The following PAK3 variants were observed in gnomAD, a reference collection of about 807,000 sequenced individuals.
PAK3 encodes the protein serine/threonine-protein kinase PAK 3.
PAK3 carries 4 observed loss-of-function variants against 41.0 expected under a neutral mutation model. The observed-to-expected ratio is 0.10, with a 90% confidence interval of 0.05 to 0.22. The LOEUF (loss-of-function observed/expected upper bound fraction) is 0.22. Ranked by LOEUF, PAK3 falls within the 10% of genes least tolerant of loss-of-function variation. PAK3 has a pLI of 1.00. For missense variants in PAK3, 205 were observed against 409.9 expected (o/e 0.50, Z 4.32); for synonymous variants, 146 against 139.6 (o/e 1.05, Z -0.32).
intron 16 of PAK3, among the ~76,000 whole-genome samples, chrX:111,200,887 G>A (rs2094675107): frequency 8.9e-6 from 1 of 112,201 alleles, no homozygotes; most frequent in Admixed American, 9.4e-5. Context: ...CTTTAGCTAG[G>A]CTGCTAATTA....
chrX:111,012,873 T>C (rs1234708936), intron 1 of PAK3, among the ~76,000 whole-genome samples: 1 of 111,796 alleles, frequency 8.9e-6, no homozygotes, highest in Non-Finnish European at 1.9e-5. Flanking sequence ...GCCTTCACTT[T>C]CCTGGCTCAA....
chrX:111,061,910 G>T (rs1458849421), intron 1 of PAK3, among the ~76,000 whole-genome samples: 2 of 110,247 alleles, frequency 1.8e-5, no homozygotes, highest in African/African-American at 6.6e-5. Context: ...GACCTCTTGA[G>T]CTCAAGGGAT....
chrX:111,149,583 G>T (rs1236476995), intron 7 of PAK3, among the ~76,000 whole-genome samples: 2 of 112,325 alleles, frequency 1.8e-5, no homozygotes, highest in African/African-American at 6.5e-5. Flanking sequence ...GCACATGCAG[G>T]CTCAACACCA....
rs145605596 is a variant in PAK3 at position 111,167,363 on chromosome X, A to G, written c.766+3636A>G. ...AATATCCCATACCAGAGTGGACCTC[A>G]TAAGCATGGTGAAGAGTAGATGGCA... is the stretch of plus-strand genomic sequence containing the variant. On this transcript the variant is annotated intron_variant, in intron 10 of 17. Coordinates refer to ENST00000372007, the MANE Select transcript of PAK3 (RefSeq NM_002578.5). 5.8e-3 allele frequency among the ~76,000 whole-genome samples: 646 copies of G among 111,086 alleles called. 7 individuals are homozygous for G. Among genetic ancestry groups the G allele is most frequent in the African/African-American group, 0.02 (610 of 30,509 alleles).
chrX:111,027,594 A>G (rs1204406095), intron 1 of PAK3, among the ~76,000 whole-genome samples: 1 of 112,142 alleles, frequency 8.9e-6, no homozygotes, highest in Admixed American at 9.5e-5. Flanking sequence ...TTATCAGGGA[A>G]ATATAAATCA....
intron 1 of PAK3, among the ~76,000 whole-genome samples, chrX:110,985,612 C>T (rs112620960): frequency 0.022 from 2,484 of 112,103 alleles, 36 homozygotes; most frequent in Non-Finnish European, 0.038. Flanking sequence ...CCAGAAAATG[C>T]AAGGTTGTTA....
intron 17 of PAK3, chrX:111,217,479 A>T: frequency 2.1e-6 from 2 of 957,401 alleles, no homozygotes; most frequent in Non-Finnish European, 2.7e-6. Flanking sequence ...ACAGCGCATT[A>T]ACCACAGATT....
chrX:111,114,427 G>A (rs1401755013), intron 4 of PAK3, among the ~76,000 whole-genome samples: 1 of 112,263 alleles, frequency 8.9e-6, no homozygotes, highest in Non-Finnish European at 1.9e-5. Context: ...GTTACTATCT[G>A]TCACCTCAAA....
At chrX:111,163,122 A>G (rs1004902539) in intron 9 of PAK3, 76 bp downstream of exon 9, 1 of 963,514 alleles carries the variant, frequency 1.0e-6, no homozygotes, top group Non-Finnish European at 1.5e-6. Context: ...AATATAGTTA[A>G]TCAGCTAGTA....
At chrX:110,991,983 A>T (rs779199808) in intron 1 of PAK3, among the ~76,000 whole-genome samples, 7 of 111,703 alleles carry the variant, frequency 6.3e-5, no homozygotes, top group Non-Finnish European at 3.8e-5. Flanking sequence ...ATATTGTGTT[A>T]TGTGATATTA....
Position 111,157,607 on chromosome X carries a change from G to A in PAK3, c.468+5160G>A, listed in dbSNP as rs750693030. Among the ~76,000 whole-genome samples the A allele has an allele frequency of 1.5e-3, 168 of 110,174 alleles. 1 individual carries two copies. Among genetic ancestry groups the A allele is most frequent in the Non-Finnish European group, 2.4e-3 (126 of 52,736 alleles). On this transcript the variant is annotated intron_variant, in intron 8 of 17. Transcript: ENST00000372007. ...GGAGTTCGAGACCAGCCTGACCAAC[G>A]TGGAGAAACCCCATCTCTACTAATA...
intron 1 of PAK3, among the ~76,000 whole-genome samples, chrX:111,026,086 G>T (rs1246355417): frequency 9.0e-6 from 1 of 111,346 alleles, no homozygotes; most frequent in Admixed American, 9.6e-5. Flanking sequence ...TGCAGAAAAA[G>T]CATTTGACAA....
chrX:111,159,405 G>T (rs1435687508), intron 8 of PAK3, among the ~76,000 whole-genome samples: 1 of 110,517 alleles, frequency 9.0e-6, no homozygotes, highest in Non-Finnish European at 1.9e-5. Flanking sequence ...CACTTTCACG[G>T]GCCCATGTAA....
chrX:110,948,909 G>T (rs1258934761), intron 1 of PAK3, among the ~76,000 whole-genome samples: 3 of 112,332 alleles, frequency 2.7e-5, no homozygotes, highest in Admixed American at 9.4e-5. Context: ...TAGTGGAGAT[G>T]CTTGTTCAGT....
In PAK3 at chrX:110,980,826, T is replaced by C. The variant is rs777487517; in HGVS notation, c.-28+36198T>C. Among the ~76,000 whole-genome samples the C allele has an allele frequency of 5.3e-5, 6 of 112,544 alleles. No individual in the cohort carries two copies. The South Asian group carries it at 1.9e-3, about 35-fold the overall frequency. ...TCTTCTAGGCCTCTCTGAACATGAA[T>C]TCCTTTCTTCTGGGTGTGGGGCATG... On this transcript the variant is annotated intron_variant, in intron 1 of 14. Coordinates refer to the PAK3 transcript ENST00000425146.
intron 1 of PAK3, among the ~76,000 whole-genome samples, chrX:110,951,184 TC>T (rs1475123443): frequency 8.9e-6 from 1 of 112,251 alleles, no homozygotes; most frequent in Admixed American, 9.5e-5. Flanking sequence ...AGTTGTTCTT[TC>T]TGCTTCTGAT....
At position 110,959,105 on chromosome X, in the gene PAK3, T is replaced by C. The variant is rs187626810; in HGVS notation, c.-28+14477T>C. Among the ~76,000 whole-genome samples, 4 of 112,082 alleles carry C rather than the reference T, an allele frequency of 3.6e-5. No homozygotes were observed. In the East Asian group the frequency reaches 8.4e-4, roughly 24 times the overall value. ...TGCAGAATACCCTTCAGCAGTGCAGTACAGGCTATGGAGTCACAGAAGAAT... is the reference window on the plus strand; with the variant it reads ...TGCAGAATACCCTTCAGCAGTGCAGCACAGGCTATGGAGTCACAGAAGAAT... On this transcript the variant is annotated intron_variant, in intron 1 of 14. Transcript: ENST00000425146.
At chrX:110,995,540 G>C (rs1221740737) in intron 1 of PAK3, among the ~76,000 whole-genome samples, 1 of 111,191 alleles carries the variant, frequency 9.0e-6, no homozygotes, top group African/African-American at 3.3e-5. Context: ...GTCCCTCTTA[G>C]ACTACCAAAA....
chrX:111,153,235 A>G (rs1327652393), intron 8 of PAK3, among the ~76,000 whole-genome samples: 1 of 111,720 alleles, frequency 9.0e-6, no homozygotes, highest in Non-Finnish European at 1.9e-5. Flanking sequence ...AGGTGAGAAA[A>G]CTGAGGTTTG....
Sources: gnomAD v4.1 joint callset for allele counts (sites outside exome capture counted in the v4.1 genomes callset) on GRCh38, gnomAD v4.1.1 for gene constraint, MANE v1.5 for transcripts, NCBI Gene and HGNC (gene_info 2026-07-23, HGNC 2026-07-21) for gene names.